SULF1: variants seen among roughly 807,000 people sequenced by gnomAD.
SULF1 encodes the protein extracellular sulfatase Sulf-1.
A neutral mutation model predicts 110.5 loss-of-function variants in SULF1; 46 were observed. The observed-to-expected ratio is 0.42, with a 90% CI of 0.33 to 0.53. The LOEUF (loss-of-function observed/expected upper bound fraction) is 0.53. Among genes scored for constraint, SULF1 ranks in the 20% least tolerant of loss-of-function variants. SULF1 has a pLI of 0.12. For synonymous variants in SULF1, 371 were observed against 387.1 expected (o/e 0.96, Z 0.49); for missense variants, 941 against 1,094.2 (o/e 0.86, Z 1.98).
intron 3 of SULF1, among the ~76,000 whole-genome samples, chr8:69,521,332 A>T (rs541993262): frequency 6.6e-6 from 1 of 152,202 alleles, no homozygotes; most frequent in Non-Finnish European, 1.5e-5. Context: ...TTCTAATAGC[A>T]GGAGACAGAC....
intron 12 of SULF1, 120 bp from the exon 13 acceptor site, chr8:69,604,683 T>C: frequency 1.5e-6 from 2 of 1,308,050 alleles, no homozygotes; most frequent in Admixed American, 2.1e-5. Context: ...TTAACATCTA[T>C]TTCTTGCTGT....
chr8:69,485,459 C>T (rs939932015), intron 1 of SULF1, among the ~76,000 whole-genome samples: 3 of 152,212 alleles, frequency 2.0e-5, no homozygotes, highest in African/African-American at 4.8e-5. Context: ...TCCTCGTAGG[C>T]GCTGCCTGTT....
At chr8:69,642,716 G>C (rs1371627678) in intron 22 of SULF1, among the ~76,000 whole-genome samples, 1 of 152,218 alleles carries the variant, frequency 6.6e-6, no homozygotes, top group Non-Finnish European at 1.5e-5. Flanking sequence ...TGTCATGAAA[G>C]AGATAAAAGG....
chr8:69,595,475 G>C (rs1807235148), intron 8 of SULF1, among the ~76,000 whole-genome samples: 1 of 152,200 alleles, frequency 6.6e-6, no homozygotes, highest in African/African-American at 2.4e-5. Flanking sequence ...CCTATCTACA[G>C]ATATTTGAAC....
intron 22 of SULF1, among the ~76,000 whole-genome samples, chr8:69,643,360 A>T (rs1811634836): frequency 6.6e-6 from 1 of 152,130 alleles, no homozygotes; most frequent in South Asian, 2.1e-4. Context: ...TGATGGAGCC[A>T]CTTAGGAGGT....
At chr8:69,480,790 GTTTTGT>G (rs1809484867) in intron 1 of SULF1, among the ~76,000 whole-genome samples, 1 of 149,490 alleles carries the variant, frequency 6.7e-6, no homozygotes, top group African/African-American at 2.5e-5. Flanking sequence ...TTTTAAAAAA[GTTTTGT>G]TTTTCACTGC....
chr8:69,602,757 A>G (rs1330852697), intron 10 of SULF1, among the ~76,000 whole-genome samples: 3 of 152,258 alleles, frequency 2.0e-5, no homozygotes, highest in Non-Finnish European at 4.4e-5. Flanking sequence ...TGTCAGATCT[A>G]TATCTAGAAG....
At chr8:69,476,584 T>C (rs1040849328) in intron 1 of SULF1, among the ~76,000 whole-genome samples, 7 of 152,204 alleles carry the variant, frequency 4.6e-5, no homozygotes, top group Admixed American at 6.5e-5. Flanking sequence ...CTTGACAGCA[T>C]TTTCGTTCCT....
At position 69,581,715 on chromosome 8, in the gene SULF1, T is replaced by C. The variant is rs572062366; in HGVS notation, c.413-4642T>C. On this transcript the variant is annotated intron_variant, in intron 6 of 22. Transcript: ENST00000402687. Reference sequence around the variant, plus strand: ...CTTAGGAAGGGAAAAAGAGATTTAATACATCTGGAGGAAAATAATTAGAGG... The same window carrying C: ...CTTAGGAAGGGAAAAAGAGATTTAACACATCTGGAGGAAAATAATTAGAGG... Among the ~76,000 whole-genome samples, 5 of 152,280 alleles carry C rather than the reference T, an allele frequency of 3.3e-5. No homozygotes were observed. In the South Asian group the frequency reaches 1.0e-3, roughly 32 times the overall value.
chr8:69,534,870 TAAA>T (rs5892201), intron 3 of SULF1, among the ~76,000 whole-genome samples: 3 of 149,320 alleles, frequency 2.0e-5, no homozygotes, highest in African/African-American at 7.4e-5. Flanking sequence ...AAAGGAAATT[TAAA>T]AAAAAAAAAT....
At chr8:69,549,153 C>T (rs1814510371) in intron 3 of SULF1, among the ~76,000 whole-genome samples, 1 of 152,214 alleles carries the variant, frequency 6.6e-6, no homozygotes, top group African/African-American at 2.4e-5. Context: ...TGCCATGCCT[C>T]AGCCCAAGTC....
Position 69,630,457 on chromosome 8 carries a change from T to A in SULF1, c.2284+778T>A, listed in dbSNP as rs114457519. ...CTGGGATTTGGAGACTCCAAAGAATTGATAGACCATTCTTGGGGGGATCTA... is the reference window on the plus strand; with the variant it reads ...CTGGGATTTGGAGACTCCAAAGAATAGATAGACCATTCTTGGGGGGATCTA... On this transcript the variant is annotated intron_variant, in intron 19 of 22. Coordinates refer to ENST00000402687, the MANE Select transcript of SULF1 (RefSeq NM_001128205.2). 3.9e-3 allele frequency among the ~76,000 whole-genome samples: 589 copies of A among 152,292 alleles called. 4 individuals carry two copies. The highest frequency in any genetic ancestry group is 0.014 in the African/African-American group (565 of 41,560).
chr8:69,594,298 G>A (rs948319436), intron 8 of SULF1, among the ~76,000 whole-genome samples: 6 of 152,204 alleles, frequency 3.9e-5, no homozygotes, highest in Admixed American at 2.6e-4. Context: ...TGATCCGCCC[G>A]CCTCAGGCTC....
intron 8 of SULF1, chr8:69,592,882 C>T (rs1807014414): frequency 4.1e-6 from 4 of 982,314 alleles, no homozygotes; most frequent in African/African-American, 1.7e-5. Context: ...CTAAGACTCC[C>T]ATTGTGATGA....
chr8:69,611,809 C>T (rs1808678603), intron 13 of SULF1, among the ~76,000 whole-genome samples: 1 of 152,148 alleles, frequency 6.6e-6, no homozygotes, highest in Admixed American at 6.5e-5. Context: ...TAAGCTTTCA[C>T]TGCAGTGCAC....
chr8:69,599,559 A>C (rs549558409), intron 8 of SULF1, among the ~76,000 whole-genome samples: 1 of 152,348 alleles, frequency 6.6e-6, no homozygotes, highest in South Asian at 2.1e-4. Context: ...CAGCTGAGAC[A>C]ATTAGGTGAG....
At chr8:69,572,974 C>T (rs531457327) in intron 5 of SULF1, among the ~76,000 whole-genome samples, 11 of 152,306 alleles carry the variant, frequency 7.2e-5, no homozygotes, top group African/African-American at 2.6e-4. Context: ...TCTACAGGCG[C>T]ATGCCATCAT....
intron 1 of SULF1, among the ~76,000 whole-genome samples, chr8:69,476,898 C>T (rs922470446): frequency 2.6e-5 from 4 of 152,170 alleles, no homozygotes; most frequent in African/African-American, 9.7e-5. Flanking sequence ...ACATCATCTT[C>T]GGCAAGCACA....
intron 22 of SULF1, among the ~76,000 whole-genome samples, chr8:69,644,996 G>A (rs866126527): frequency 6.6e-6 from 1 of 152,146 alleles, no homozygotes; most frequent in Non-Finnish European, 1.5e-5. Flanking sequence ...AGATGGAGCA[G>A]GGGCAGGGTT....
Sources: gnomAD v4.1 joint callset for allele counts (sites outside exome capture counted in the v4.1 genomes callset) on GRCh38, gnomAD v4.1.1 for gene constraint, MANE v1.5 for transcripts, NCBI Gene and HGNC (gene_info 2026-07-23, HGNC 2026-07-21) for gene names.